PTPRG: variants seen among roughly 807,000 people sequenced by gnomAD.
PTPRG encodes the protein receptor-type tyrosine-protein phosphatase gamma.
A neutral mutation model predicts 165.3 loss-of-function variants in PTPRG; 102 were observed. That is an observed-to-expected ratio of 0.62 (90% CI 0.53 to 0.73). PTPRG has a LOEUF of 0.73. Ranked by LOEUF, PTPRG falls within the 30% of genes least tolerant of loss-of-function variation. The pLI, the probability that PTPRG is intolerant of heterozygous loss-of-function variation, is 0.00. For synonymous variants in PTPRG, 675 were observed against 669.5 expected (o/e 1.01, Z -0.13); for missense variants, 1,866 against 1,861.4 (o/e 1.00, Z -0.05).
chr3:62,255,421 A>G lies in PTPRG; in HGVS notation c.2559+206A>G, dbSNP rs1701516007. ...GGAGTTGATTGTACCTGTCCTGAAT[A>G]TGTATTTCTACAAAAGAACCGACTT... On this transcript the variant is annotated intron_variant, in intron 16 of 29. Coordinates refer to ENST00000474889, the MANE Select transcript of PTPRG (RefSeq NM_002841.4). The surrounding 1 kb of genome is among the most constrained non-coding windows in gnomAD (Gnocchi z 4.0). Among the ~76,000 whole-genome samples, 1 of 152,184 alleles carries G rather than the reference A, an allele frequency of 6.6e-6. No homozygotes were observed. Among genetic ancestry groups the G allele is most frequent in the African/African-American group, 2.4e-5 (1 of 41,454 alleles).
intron 1 of PTPRG, among the ~76,000 whole-genome samples, chr3:61,567,180 T>C (rs958423898): frequency 6.6e-6 from 1 of 152,170 alleles, no homozygotes; most frequent in Admixed American, 6.5e-5. Flanking sequence ...TTTATTAATA[T>C]TATAGAAGCC....
At chr3:61,606,553 A>T (rs1336099083) in intron 1 of PTPRG, among the ~76,000 whole-genome samples, 1 of 152,232 alleles carries the variant, frequency 6.6e-6, no homozygotes, top group Non-Finnish European at 1.5e-5. Flanking sequence ...TCCCAATGTC[A>T]GTCCATGTAT....
chr3:62,272,712 T>C (rs1295348000), intron 21 of PTPRG, among the ~76,000 whole-genome samples: 2 of 151,972 alleles, frequency 1.3e-5, no homozygotes, highest in Non-Finnish European at 2.9e-5. Flanking sequence ...GTGGTACACA[T>C]CTGTAATCCC....
intron 12 of PTPRG, among the ~76,000 whole-genome samples, chr3:62,209,734 T>C (rs1257402748): frequency 6.6e-6 from 1 of 152,144 alleles, no homozygotes; most frequent in Non-Finnish European, 1.5e-5. Flanking sequence ...GCCAGTATGG[T>C]TTAGTTTCTT....
chr3:61,659,572 TGA>T (rs1214323921), intron 1 of PTPRG: 2 of 522,674 alleles, frequency 3.8e-6, no homozygotes, highest in Non-Finnish European at 4.9e-6. Context: ...TGGTAACCTT[TGA>T]GTGTCATGTT....
chr3:61,683,012 G>T (rs1703504569), intron 1 of PTPRG, among the ~76,000 whole-genome samples: 1 of 152,102 alleles, frequency 6.6e-6, no homozygotes, highest in African/African-American at 2.4e-5. Flanking sequence ...TTTCCACGTG[G>T]TATGAATAGC....
intron 1 of PTPRG, among the ~76,000 whole-genome samples, chr3:61,616,878 T>C (rs1278853219): frequency 2.6e-5 from 4 of 152,326 alleles, no homozygotes; most frequent in African/African-American, 7.2e-5. Context: ...GCTGCTCTGT[T>C]AAACCTAGGA....
At chr3:62,120,021 G>C (rs1188078992) in intron 5 of PTPRG, among the ~76,000 whole-genome samples, 1 of 152,098 alleles carries the variant, frequency 6.6e-6, no homozygotes, top group Non-Finnish European at 1.5e-5. Context: ...TCAACATCCA[G>C]ATGCCCAGGC....
At position 62,277,587 on chromosome 3, in the gene PTPRG, C is replaced by T; in HGVS notation, c.3673C>T (p.His1225Tyr). The T allele has an allele frequency of 2.5e-6, 4 of 1,612,264 alleles. No individual in the cohort carries two copies. In the South Asian group the frequency reaches 4.4e-5, roughly 18 times the overall value. Residue 1225 changes from histidine (H) to tyrosine (Y), a missense_variant, in exon 26 of 30, where the codon CAT becomes TAT. Around this residue, in one of 3 missense-constraint regions of PTPRG, gnomAD observed 1,452 missense variants for 1,463.0 expected, o/e 0.99. Transcript: ENST00000474889. Reference protein sequence around the residue: ...YRSNEFIITQHPLPHTTKDFW... With the variant: ...YRSNEFIITQYPLPHTTKDFW... ...GAGCAATGAATTTATTATAACTCAG[C>T]ATCCTCTGCCACATACTACGAAAGA...
intron 1 of PTPRG, among the ~76,000 whole-genome samples, chr3:61,663,502 C>T (rs1702724581): frequency 6.6e-6 from 1 of 152,128 alleles, no homozygotes; most frequent in Admixed American, 6.5e-5. Flanking sequence ...TAGTCCCCAG[C>T]CTTTTTGGCA....
intron 10 of PTPRG, among the ~76,000 whole-genome samples, chr3:62,198,181 C>T (rs1031545366): frequency 1.4e-4 from 21 of 152,100 alleles, no homozygotes; most frequent in Admixed American, 2.6e-4. Context: ...ATAATAATAG[C>T]AAGCAATATT....
chr3:62,132,567 A>C, intron 5 of PTPRG, 35 bp from the exon 6 acceptor site: 2 of 1,514,002 alleles, frequency 1.3e-6, no homozygotes, highest in Non-Finnish European at 1.8e-6. Flanking sequence ...TGATGCCAGA[A>C]TAGATTTAAC....
At chr3:61,873,520 C>T (rs568648593) in intron 2 of PTPRG, among the ~76,000 whole-genome samples, 85 of 152,200 alleles carry the variant, frequency 5.6e-4, no homozygotes, top group South Asian at 1.7e-3. Context: ...TGTTTCTGGG[C>T]ATTTGCAGCA....
intron 3 of PTPRG, among the ~76,000 whole-genome samples, chr3:62,002,665 G>C (rs892747997): frequency 6.6e-6 from 1 of 152,146 alleles, no homozygotes; most frequent in African/African-American, 2.4e-5. Context: ...GGTATTCTTT[G>C]GATGGGTTAA....
intron 4 of PTPRG, among the ~76,000 whole-genome samples, chr3:62,045,262 G>C (rs965314921): frequency 2.6e-5 from 4 of 152,144 alleles, no homozygotes; most frequent in Non-Finnish European, 5.9e-5. Flanking sequence ...GTTTATCTCT[G>C]AGTTTACTTC....
chr3:61,818,888 T>TGAATAGTG (rs2035873003), intron 2 of PTPRG, among the ~76,000 whole-genome samples: 1 of 126,250 alleles, frequency 7.9e-6, no homozygotes, highest in Non-Finnish European at 1.6e-5. Flanking sequence ...AGTGAAATAG[T>TGAATAGTG]GAATAGTGAA....
At chr3:62,017,759 G>C (rs960994947) in intron 4 of PTPRG, among the ~76,000 whole-genome samples, 2 of 152,176 alleles carry the variant, frequency 1.3e-5, no homozygotes, top group South Asian at 4.1e-4. Flanking sequence ...TTCTTCCAGA[G>C]TGTAGCTCTT....
intron 1 of PTPRG, among the ~76,000 whole-genome samples, chr3:61,626,477 T>C (rs185993382): frequency 1.3e-5 from 2 of 152,346 alleles, no homozygotes; most frequent in East Asian, 3.9e-4. Flanking sequence ...GGTAGGTGAC[T>C]TGAATGTTGT....
At chr3:61,633,964 G>GAGTGCAGTGGTGTGC (rs1701834827) in intron 1 of PTPRG, among the ~76,000 whole-genome samples, 1 of 151,908 alleles carries the variant, frequency 6.6e-6, no homozygotes, top group Non-Finnish European at 1.5e-5. Flanking sequence ...ACCCAGGCTG[G>GAGTGCAGTGGTGTGC]AGTGCAGTGG....
Sources: allele counts gnomAD v4.1 joint callset (sites outside exome capture counted in the v4.1 genomes callset), GRCh38; gene constraint gnomAD v4.1.1; regional missense constraint gnomAD v4.1.1; non-coding constraint Gnocchi (gnomAD v3.1); transcripts MANE v1.5; gene names NCBI Gene and HGNC (gene_info 2026-07-23, HGNC 2026-07-21).